TNFRSF11A: variants seen among roughly 807,000 people sequenced by gnomAD.
The protein encoded by TNFRSF11A is tumor necrosis factor receptor superfamily member 11A.
TNFRSF11A carries 32 observed loss-of-function variants against 55.7 expected under a neutral mutation model. The observed-to-expected ratio is 0.57, with a 90% CI of 0.43 to 0.77. The LOEUF (loss-of-function observed/expected upper bound fraction) is 0.77. Ranked by LOEUF, TNFRSF11A falls within the 30% of genes least tolerant of loss-of-function variation. The pLI is 0.00. For synonymous variants in TNFRSF11A, 311 were observed against 331.0 expected (o/e 0.94, Z 0.65); for missense variants, 753 against 809.8 (o/e 0.93, Z 0.85).
Position 62,360,006 on chromosome 18 carries a change from T to C in TNFRSF11A, c.573T>C (p.Asp191=), listed in dbSNP as rs140639780. ...AACATCATGGGACAGAGAAATCCGA[T>C]GCGGTTTGCAGTTCTTCTCTGCCAG... ...RVEHHGTEKS[D]AVCSSSLPAR... is the part of the protein sequence containing the mutation. Residue 191 remains aspartate, a synonymous_variant, in exon 6 of 10, where the codon GAT becomes GAC. Coordinates refer to ENST00000586569, the MANE Select transcript of TNFRSF11A (RefSeq NM_003839.4). The C allele has an allele frequency of 5.6e-6, 9 of 1,614,104 alleles. No individual in the cohort carries two copies. Among genetic ancestry groups the C allele is most frequent in the Non-Finnish European group, 7.6e-6 (9 of 1,179,926 alleles).
chr18:62,366,900 G>A (rs1910130973), intron 8 of TNFRSF11A, 140 bp downstream of exon 8: 1 of 863,944 alleles, frequency 1.2e-6, no homozygotes, highest in Non-Finnish European at 1.9e-6. Flanking sequence ...TCAGGCTGGA[G>A]TGCAGGGGTG....
chr18:62,364,831 T>G (rs1367324552), intron 7 of TNFRSF11A, among the ~76,000 whole-genome samples: 1 of 152,208 alleles, frequency 6.6e-6, no homozygotes, highest in Non-Finnish European at 1.5e-5. Flanking sequence ...TTATTTCCCC[T>G]ATTTTGTGAT....
At chr18:62,365,206 C>T (rs191139209) in intron 7 of TNFRSF11A, among the ~76,000 whole-genome samples, 10 of 152,298 alleles carry the variant, frequency 6.6e-5, no homozygotes, top group Admixed American at 6.5e-4. Context: ...AAGCGGTCCG[C>T]CCACCTCAGC....
intron 9 of TNFRSF11A, chr18:62,377,980 A>C (rs1333911638): frequency 1.3e-5 from 2 of 152,142 alleles, no homozygotes; most frequent in East Asian, 3.9e-4. Context: ...GTCCCCGTTG[A>C]GTTTCTAGGC....
chr18:62,373,456 A>C, intron 9 of TNFRSF11A, among the ~76,000 whole-genome samples: 1 of 152,070 alleles, frequency 6.6e-6, no homozygotes, highest in Non-Finnish European at 1.5e-5. Flanking sequence ...CTGTCTCAAA[A>C]AAAAAAAGAA....
chr18:62,357,902 A>G (rs975312406), intron 4 of TNFRSF11A: 1 of 304,002 alleles, frequency 3.3e-6, no homozygotes, highest in Admixed American at 4.2e-5. Context: ...ACTAGGAAAC[A>G]AAGTGTCGGT....
At position 62,348,227 on chromosome 18, in the gene TNFRSF11A, G is replaced by C. The variant is rs748602775; in HGVS notation, c.135G>C (p.Arg45=). The C allele has an allele frequency of 5.4e-5, 87 of 1,614,018 alleles. No homozygotes were observed. Among genetic ancestry groups the C allele is most frequent in the Non-Finnish European group, 7.1e-5 (84 of 1,180,038 alleles). Residue 45 remains arginine, a synonymous_variant, in exon 2 of 10, where the codon CGG becomes CGC. Coordinates refer to ENST00000586569, the MANE Select transcript of TNFRSF11A (RefSeq NM_003839.4). ...AGAAGCATTATGAGCATCTGGGACG[G>C]TGCTGTAACAAATGTGAACCAGGTA... is the stretch of plus-strand genomic sequence containing the variant. ...TSEKHYEHLG[R]CCNKCEPGKY...
chr18:62,328,573 T>G (rs1015324812), intron 1 of TNFRSF11A, among the ~76,000 whole-genome samples: 17 of 152,264 alleles, frequency 1.1e-4, no homozygotes, highest in African/African-American at 3.9e-4. Context: ...AGTCGACTAA[T>G]CAGAAGCAGG....
intron 4 of TNFRSF11A, among the ~76,000 whole-genome samples, chr18:62,356,548 A>G (rs1025252120): frequency 2.0e-5 from 3 of 152,192 alleles, no homozygotes; most frequent in Non-Finnish European, 4.4e-5. Flanking sequence ...TAGGTTGAGG[A>G]TAGAGGGGAA....
rs556888766 is a variant in TNFRSF11A, at chr18:62,377,535, C to T, written c.1568-7216C>T. Among the ~76,000 whole-genome samples the T allele has an allele frequency of 8.4e-4, 128 of 152,318 alleles. 1 individual carries two copies. The South Asian group carries it at 0.012, about 15-fold the overall frequency. On this transcript the variant is annotated intron_variant, in intron 9 of 9. Transcript: ENST00000586569. ...AGAATAAGAGTTCCTGCCACCCACC[C>T]CCATGCTCGCCAGCATTTGGTGTTG... is the stretch of plus-strand genomic sequence containing the variant.
In TNFRSF11A at chr18:62,354,521, C is replaced by T. The variant is rs201922060; in HGVS notation, c.414C>T (p.Gly138=). ...RRNTECAPGL[G]AQHPLQLNKD... is the part of the protein sequence containing the mutation. Reference sequence around the variant, plus strand: ...ACACCGAGTGCGCGCCGGGCCTGGGCGCCCAGCACCCGTGTACGGGTTGGA... The same window carrying T: ...ACACCGAGTGCGCGCCGGGCCTGGGTGCCCAGCACCCGTGTACGGGTTGGA... Residue 138 remains glycine (G), a synonymous_variant, in exon 4 of 10, where the codon GGC becomes GGT. Transcript: ENST00000586569. 5 of 1,602,794 alleles carry T rather than the reference C, an allele frequency of 3.1e-6. No individual in the cohort carries two copies. In the African/African-American group the frequency reaches 4.0e-5, roughly 13 times the overall value.
At chr18:62,337,312 G>T (rs751626448) in intron 1 of TNFRSF11A, among the ~76,000 whole-genome samples, 2 of 152,048 alleles carry the variant, frequency 1.3e-5, no homozygotes, top group African/African-American at 4.8e-5. Flanking sequence ...AGTGGCAAAG[G>T]TGGTAATTCC....
chr18:62,384,553 T>C (rs1464911807), intron 9 of TNFRSF11A, among the ~76,000 whole-genome samples, 198 bp from the exon 10 acceptor site: 1 of 150,482 alleles, frequency 6.6e-6, no homozygotes, highest in African/African-American at 2.5e-5. Flanking sequence ...TTTTGTCTTT[T>C]TTCTCTTCCA....
chr18:62,386,482 G>A lies in TNFRSF11A; in HGVS notation c.*1448G>A, dbSNP rs1342466525. On this transcript the variant is annotated 3_prime_UTR_variant, in exon 10 of 10. Coordinates refer to ENST00000586569, the MANE Select transcript of TNFRSF11A (RefSeq NM_003839.4). ...CTTGGCATCATCCCGCTTGTGAGAA[G>A]CCTAGAGGACGCTCCAGGTGGAAGG... 6.6e-6 allele frequency: 1 copy of A among 152,182 alleles called. No individual in the cohort carries two copies. Among genetic ancestry groups the A allele is most frequent in the East Asian group, 1.9e-4 (1 of 5,200 alleles). The allele number at this position is 152,182 out of a possible 1,614,324, so 9.4% of individuals were successfully genotyped here.
intron 9 of TNFRSF11A, among the ~76,000 whole-genome samples, chr18:62,381,281 G>T (rs974530122): frequency 6.6e-6 from 1 of 152,156 alleles, no homozygotes; most frequent in Non-Finnish European, 1.5e-5. Context: ...TGGAGCAATG[G>T]CATGGAATGA....
intron 2 of TNFRSF11A, 62 bp from the exon 3 acceptor site, chr18:62,349,750 T>A: frequency 6.2e-7 from 1 of 1,605,076 alleles, no homozygotes; most frequent in South Asian, 1.1e-5. Flanking sequence ...GCTGTTTTGC[T>A]TTGTGTTGCT....
rs1910302010 is a variant in TNFRSF11A, at chr18:62,368,925, G to A, written c.1008G>A (p.Glu336=). The A allele has an allele frequency of 5.6e-6, 9 of 1,614,254 alleles. No individual in the cohort carries two copies. The highest frequency in any genetic ancestry group is 7.6e-6 in the Non-Finnish European group (9 of 1,180,044). ...CATTGGTCAGCAAGACCGAGATAGA[G>A]GAAGACAGCTTCAGACAGATGCCCA... ...MLSLVSKTEI[E]EDSFRQMPTE... is the part of the protein sequence containing the mutation. Residue 336 remains glutamate, a synonymous_variant, in exon 9 of 10, where the codon GAG becomes GAA. Coordinates refer to ENST00000586569, the MANE Select transcript of TNFRSF11A (RefSeq NM_003839.4).
chr18:62,385,221 C>T lies in TNFRSF11A; in HGVS notation c.*187C>T. On this transcript the variant is annotated 3_prime_UTR_variant, in exon 10 of 10. Coordinates refer to ENST00000586569, the MANE Select transcript of TNFRSF11A (RefSeq NM_003839.4). ...AGGAAGTGAATTGATGAGGACTGTC[C>T]CCATGCCCACGGATGCTCAGCAGCC... 1 of 616,882 alleles carries T rather than the reference C, an allele frequency of 1.6e-6. No individual in the cohort carries two copies. Among genetic ancestry groups the T allele is most frequent in the Non-Finnish European group, 2.5e-6 (1 of 403,710 alleles). 38.2% of individuals were successfully genotyped at this position (616,882 alleles called of 1,614,324 possible). A position where few individuals can be genotyped will look rare whatever the true frequency, so the allele number is the denominator to read the frequency against.
Position 62,369,395 on chromosome 18 carries a change from C to T in TNFRSF11A, c.1478C>T (p.Pro493Leu). 1 of 1,611,800 alleles carries T rather than the reference C, an allele frequency of 6.2e-7. No individual in the cohort carries two copies. The highest frequency in any genetic ancestry group is 8.5e-7 in the Non-Finnish European group (1 of 1,179,948). The change falls in exon 9 of 10, where the codon CCC (proline) becomes CTC (leucine). Residue 493 changes from proline to leucine, a missense_variant. By Grantham distance (98) the Pro-to-Leu change is moderately conservative (BLOSUM62 -3). Coordinates refer to ENST00000586569, the MANE Select transcript of TNFRSF11A (RefSeq NM_003839.4). ...EASRTEARDQPEDGADGRLPS... is the reference protein window; with the variant it reads ...EASRTEARDQLEDGADGRLPS... The stretch of plus-strand genomic sequence containing the variant: ...AGCAGGACGGAGGCCAGAGACCAGC[C>T]CGAGGATGGGGCTGATGGGAGGCTC...
Sources: gnomAD v4.1 joint callset for allele counts (sites outside exome capture counted in the v4.1 genomes callset) on GRCh38, gnomAD v4.1.1 for gene constraint, MANE v1.5 for transcripts, NCBI Gene and HGNC (gene_info 2026-07-23, HGNC 2026-07-21) for gene names.